CERKL: variants seen among roughly 807,000 people sequenced by gnomAD.
CERKL encodes the protein CERK like autophagy regulator.
Under a neutral mutation model 63.4 loss-of-function variants are expected in CERKL, and 61 were observed. The ratio of observed to expected loss-of-function variants is 0.96; its 90% CI spans 0.78 to 1.19. The LOEUF (loss-of-function observed/expected upper bound fraction) is 1.19. Among genes scored for constraint, CERKL ranks in the 50% most tolerant of loss-of-function variants. The pLI is 0.00. For missense variants in CERKL, 675 were observed against 655.5 expected (o/e 1.03, Z -0.33); for synonymous variants, 250 against 230.5 (o/e 1.08, Z -0.77).
rs147265220 is a variant in CERKL at position 181,551,417 on chromosome 2, C to G, written c.821-1709G>C. On this transcript the variant is annotated intron_variant, in intron 5 of 12. Coordinates refer to ENST00000410087, the MANE Select transcript of CERKL (RefSeq NM_201548.5). ...GAGAAAATTTTTGCAATGTACCCAT[C>G]TGACAAAGGTCTAACATCCAGAATC... Among the ~76,000 whole-genome samples the G allele has an allele frequency of 6.1e-3, 931 of 152,190 alleles. 13 individuals are homozygous for G. Among genetic ancestry groups the G allele is most frequent in the African/African-American group, 0.021 (856 of 41,510 alleles).
chr2:181,646,083 A>C (rs557092612), intron 1 of CERKL, among the ~76,000 whole-genome samples: 41 of 152,354 alleles, frequency 2.7e-4, no homozygotes, highest in East Asian at 5.8e-4. Context: ...GAGTAGGTCA[A>C]GTGAGAGACT....
intron 4 of CERKL, 51 bp downstream of exon 4, chr2:181,566,007 G>A (rs540870845): frequency 8.4e-7 from 1 of 1,183,872 alleles, no homozygotes; most frequent in Non-Finnish European, 1.3e-6. Flanking sequence ...ACTAGTGAAG[G>A]CATTTAATAC....
chr2:181,584,515 A>G (rs1684674777), intron 2 of CERKL, among the ~76,000 whole-genome samples: 1 of 148,124 alleles, frequency 6.8e-6, no homozygotes, highest in African/African-American at 2.5e-5. Context: ...TTGTCTCAGA[A>G]AAGAAAAAAA....
At chr2:181,649,062 T>G (rs1399960897) in intron 1 of CERKL, among the ~76,000 whole-genome samples, 1 of 152,050 alleles carries the variant, frequency 6.6e-6, no homozygotes, top group Non-Finnish European at 1.5e-5. Context: ...AGAAATAAGT[T>G]CTTATCAATA....
Position 181,538,090 on chromosome 2 carries a change from C to A in CERKL, c.*94G>T. On this transcript the variant is annotated 3_prime_UTR_variant, in exon 13 of 13. Transcript: ENST00000410087. ...AAAAATTGTCTTCCATGAAACTGGTCCCAAAAAGGGTGGGGACCACAGGTT... is the reference window on the plus strand; with the variant it reads ...AAAAATTGTCTTCCATGAAACTGGTACCAAAAAGGGTGGGGACCACAGGTT... 1.2e-6 allele frequency: 1 copy of A among 838,188 alleles called. No individual in the cohort carries two copies. The highest frequency in any genetic ancestry group is 1.4e-5 in the South Asian group (1 of 71,568). The allele number at this position is 838,188 out of a possible 1,614,324, so 51.9% of individuals were successfully genotyped here.
intron 2 of CERKL, among the ~76,000 whole-genome samples, chr2:181,600,160 G>T (rs1685397744): frequency 1.3e-5 from 2 of 152,120 alleles, no homozygotes; most frequent in Admixed American, 1.3e-4. Flanking sequence ...AACACTAAGG[G>T]AATTTGTTAC....
At chr2:181,608,957 A>G (rs1356580287) in intron 1 of CERKL, among the ~76,000 whole-genome samples, 2 of 152,212 alleles carry the variant, frequency 1.3e-5, no homozygotes, top group Non-Finnish European at 2.9e-5. Context: ...ATCAATTAGC[A>G]TATTATATCT....
rs143016788 is a variant in CERKL, at chr2:181,594,454, T to C, written c.481+9383A>G. On this transcript the variant is annotated intron_variant, in intron 2 of 12. Transcript: ENST00000410087. Reference sequence around the variant, plus strand: ...CAGATTTCACTAGGCAAACAAGAGATGGGGGGCATTCTAGACAGAGGGAAG... The same window carrying C: ...CAGATTTCACTAGGCAAACAAGAGACGGGGGGCATTCTAGACAGAGGGAAG... Among the ~76,000 whole-genome samples, 1,255 of 152,166 alleles carry C rather than the reference T, an allele frequency of 8.2e-3. 16 individuals are homozygous for C. Among genetic ancestry groups the C allele is most frequent in the African/African-American group, 0.026 (1,061 of 41,524 alleles).
chr2:181,551,041 A>T (rs973359021), intron 5 of CERKL, among the ~76,000 whole-genome samples: 3 of 152,154 alleles, frequency 2.0e-5, no homozygotes, highest in Non-Finnish European at 4.4e-5. Context: ...CTTGTTCCTC[A>T]AGAAGACAAT....
intron 11 of CERKL, among the ~76,000 whole-genome samples, chr2:181,543,768 A>G (rs979682945): frequency 2.6e-5 from 4 of 152,120 alleles, no homozygotes; most frequent in African/African-American, 9.7e-5. Flanking sequence ...ACACATCACG[A>G]GGTCAGGAGT....
At chr2:181,559,305 T>C (rs1688338769) in intron 4 of CERKL, among the ~76,000 whole-genome samples, 2 of 152,214 alleles carry the variant, frequency 1.3e-5, no homozygotes, top group Admixed American at 1.3e-4. Flanking sequence ...ACTACTAGTA[T>C]ATTTTTTAAG....
intron 1 of CERKL, among the ~76,000 whole-genome samples, chr2:181,654,562 T>A (rs1175913771): frequency 6.6e-6 from 1 of 152,178 alleles, no homozygotes; most frequent in Admixed American, 6.5e-5. Context: ...CTCATCCTTT[T>A]CTGAGGCAGC....
chr2:181,582,516 C>CATAAATATATATATATATATATATATAT (rs1684559916), intron 2 of CERKL, among the ~76,000 whole-genome samples: 1 of 142,896 alleles, frequency 7.0e-6, no homozygotes, highest in African/African-American at 2.6e-5. Flanking sequence ...ATATTGTCAA[C>CATAAATATATATATATATATATATATAT]ATATATATAT....
intron 1 of CERKL, among the ~76,000 whole-genome samples, chr2:181,628,132 G>A (rs2105471289): frequency 6.6e-6 from 1 of 152,198 alleles, no homozygotes; most frequent in East Asian, 1.9e-4. Context: ...GTAGTAATCA[G>A]CTATTTAGAC....
At chr2:181,583,325 G>T (rs56267648) in intron 2 of CERKL, among the ~76,000 whole-genome samples, 15,665 of 151,936 alleles carry the variant, frequency 0.1, 1,114 homozygotes, top group East Asian at 0.24. Context: ...AAATTATCTA[G>T]TAGTTTCACA....
intron 2 of CERKL, among the ~76,000 whole-genome samples, chr2:181,580,821 G>A (rs549374924): frequency 1.3e-5 from 2 of 152,200 alleles, no homozygotes; most frequent in African/African-American, 4.8e-5. Flanking sequence ...AGTTTAAATA[G>A]TATAGAAGTT....
chr2:181,570,908 C>T (rs780734800), intron 3 of CERKL, among the ~76,000 whole-genome samples: 6 of 152,056 alleles, frequency 3.9e-5, no homozygotes, highest in Non-Finnish European at 5.9e-5. Context: ...CCCATTCACA[C>T]AAGGATACAT....
chr2:181,595,563 G>A (rs1685171034), intron 2 of CERKL, among the ~76,000 whole-genome samples: 1 of 152,130 alleles, frequency 6.6e-6, no homozygotes, highest in Admixed American at 6.6e-5. Context: ...TAGAGTAACT[G>A]ATGACCTGCT....
At chr2:181,619,410 A>G (rs542871713) in intron 1 of CERKL, among the ~76,000 whole-genome samples, 6 of 151,922 alleles carry the variant, frequency 3.9e-5, no homozygotes, top group African/African-American at 1.4e-4. Flanking sequence ...TGATCTTTGC[A>G]CCAATTCCTC....
Sources: gnomAD v4.1 joint callset for allele counts (sites outside exome capture counted in the v4.1 genomes callset) on GRCh38, gnomAD v4.1.1 for gene constraint, MANE v1.5 for transcripts, NCBI Gene and HGNC (gene_info 2026-07-23, HGNC 2026-07-21) for gene names.